CAMTA1: variants seen among roughly 807,000 people sequenced by gnomAD.
CAMTA1 encodes the protein calmodulin-binding transcription activator 1.
A neutral mutation model predicts 170.9 loss-of-function variants in CAMTA1; 27 were observed. That is an observed-to-expected ratio of 0.16 (90% CI 0.12 to 0.22). The LOEUF (loss-of-function observed/expected upper bound fraction) is 0.22, where lower values mean the gene tolerates loss of function less well. Ranked by LOEUF, CAMTA1 falls within the 10% of genes least tolerant of loss-of-function variation. The pLI, the probability that CAMTA1 is intolerant of heterozygous loss-of-function variation, is 1.00. For synonymous variants in CAMTA1, 833 were observed against 891.5 expected (o/e 0.93, Z 1.17); for missense variants, 1,619 against 2,217.2 (o/e 0.73, Z 5.42).
At chr1:6,942,592 A>C (rs567096589) in intron 3 of CAMTA1, among the ~76,000 whole-genome samples, 38 of 152,286 alleles carry the variant, frequency 2.5e-4, no homozygotes, top group Admixed American at 5.9e-4. Flanking sequence ...CCAGGAGATC[A>C]AGGTTGCAGT....
chr1:7,582,037 G>A (rs994981051), intron 6 of CAMTA1, among the ~76,000 whole-genome samples: 2 of 152,156 alleles, frequency 1.3e-5, no homozygotes, highest in African/African-American at 4.8e-5. Flanking sequence ...CTGGGGATAC[G>A]TTCCCCTGGA....
At chr1:7,568,172 T>A (rs1301267673) in intron 6 of CAMTA1, among the ~76,000 whole-genome samples, 1 of 148,630 alleles carries the variant, frequency 6.7e-6, no homozygotes, top group Admixed American at 6.6e-5. Context: ...TCACCATCAC[T>A]ACCACCATCC....
chr1:6,815,631 T>C (rs1400312065), intron 1 of CAMTA1, among the ~76,000 whole-genome samples: 1 of 152,254 alleles, frequency 6.6e-6, no homozygotes, highest in African/African-American at 2.4e-5. Flanking sequence ...AAAGTACTTT[T>C]TAAATCTTCT....
At chr1:7,313,344 C>G (rs1677024731) in intron 5 of CAMTA1, among the ~76,000 whole-genome samples, 1 of 152,178 alleles carries the variant, frequency 6.6e-6, no homozygotes, top group Admixed American at 6.5e-5. Flanking sequence ...TACTCTGCTG[C>G]CAGTCTATGA....
chr1:7,198,755 T>C (rs1656058441), intron 4 of CAMTA1, among the ~76,000 whole-genome samples: 1 of 151,940 alleles, frequency 6.6e-6, no homozygotes, highest in Non-Finnish European at 1.5e-5. Flanking sequence ...TTGCTTAAAG[T>C]CTCCTTCCTG....
chr1:6,792,193 A>C (rs1641307368), intron 1 of CAMTA1, among the ~76,000 whole-genome samples: 1 of 151,990 alleles, frequency 6.6e-6, no homozygotes, highest in Non-Finnish European at 1.5e-5. Context: ...CCTGGCCTCA[A>C]GTGATCCGCC....
At chr1:7,057,037 C>T (rs1707436311) in intron 3 of CAMTA1, among the ~76,000 whole-genome samples, 1 of 152,166 alleles carries the variant, frequency 6.6e-6, no homozygotes, top group South Asian at 2.1e-4. Context: ...AGGCACTTCC[C>T]ACCTGCATGG....
At chr1:7,122,222 C>G (rs1644686006) in intron 4 of CAMTA1, among the ~76,000 whole-genome samples, 1 of 151,984 alleles carries the variant, frequency 6.6e-6, no homozygotes, top group Non-Finnish European at 1.5e-5. Flanking sequence ...TTAACCTGTC[C>G]CCACTGTCCC....
At chr1:6,873,043 A>G (rs1234735166) in intron 3 of CAMTA1, among the ~76,000 whole-genome samples, 2 of 152,232 alleles carry the variant, frequency 1.3e-5, no homozygotes, top group African/African-American at 2.4e-5. Context: ...AGTTTTGTTC[A>G]GGCTCACGAG....
chr1:6,794,890 G>GT (rs61310345), intron 1 of CAMTA1, among the ~76,000 whole-genome samples: 8,482 of 147,128 alleles, frequency 0.058, 543 homozygotes, highest in African/African-American at 0.16. Context: ...CTTTTTTTTT[G>GT]TTTTTTTTGT....
At chr1:6,863,692 G>C (rs1665588384) in intron 3 of CAMTA1, among the ~76,000 whole-genome samples, 1 of 152,212 alleles carries the variant, frequency 6.6e-6, no homozygotes, top group Non-Finnish European at 1.5e-5. Flanking sequence ...ATATTAAGGA[G>C]AGTTCCTGTG....
In CAMTA1 at chr1:6,991,810, G is replaced by A. The variant is rs532431854; in HGVS notation, c.235-99494G>A. ...CCTTCCTGGGTTGAAGCGATTCTCC[G>A]GCCTCAGCCTTCTGAGTAGCTGGGA... is the stretch of plus-strand genomic sequence containing the variant. On this transcript the variant is annotated intron_variant, in intron 3 of 22. Coordinates refer to ENST00000303635, the MANE Select transcript of CAMTA1 (RefSeq NM_015215.4). Among the ~76,000 whole-genome samples, 13 of 151,966 alleles carry A rather than the reference G, an allele frequency of 8.6e-5. 2 individuals are homozygous for A. The highest frequency in any genetic ancestry group is 6.8e-3 in the Middle Eastern group (2 of 292).
intron 5 of CAMTA1, among the ~76,000 whole-genome samples, chr1:7,344,567 A>G (rs1454843583): frequency 6.6e-6 from 1 of 152,156 alleles, no homozygotes; most frequent in Non-Finnish European, 1.5e-5. Context: ...AGCCATGCAT[A>G]AGTGATTTCC....
intron 4 of CAMTA1, among the ~76,000 whole-genome samples, chr1:7,197,931 C>G (rs1655873276): frequency 6.6e-6 from 1 of 151,810 alleles, no homozygotes; most frequent in Non-Finnish European, 1.5e-5. Flanking sequence ...GGAGACAGCT[C>G]ATTGTCCCGA....
At chr1:7,695,209 A>T (rs1038683674) in intron 11 of CAMTA1, among the ~76,000 whole-genome samples, 1 of 152,098 alleles carries the variant, frequency 6.6e-6, no homozygotes, top group Non-Finnish European at 1.5e-5. Flanking sequence ...ATGCCCTGGA[A>T]GCCCCCAGCA....
intron 6 of CAMTA1, among the ~76,000 whole-genome samples, chr1:7,626,743 CT>C (rs1176406499): frequency 3.3e-5 from 5 of 152,192 alleles, no homozygotes; most frequent in Admixed American, 3.3e-4. Flanking sequence ...CAGAGTCTCT[CT>C]TGCTTCAGTT....
intron 3 of CAMTA1, among the ~76,000 whole-genome samples, chr1:6,847,068 A>T (rs1439660812): frequency 1.3e-5 from 2 of 149,736 alleles, no homozygotes; most frequent in African/African-American, 4.9e-5. Context: ...CAGTGGCGCC[A>T]TCTTGGCTCA....
intron 6 of CAMTA1, among the ~76,000 whole-genome samples, chr1:7,498,631 AGT>A (rs1359686729): frequency 2.6e-5 from 4 of 150,972 alleles, no homozygotes; most frequent in Non-Finnish European, 5.9e-5. Context: ...TGTGTGTATG[AGT>A]GTGCATGCAT....
At chr1:6,791,722 C>T (rs1000395687) in intron 1 of CAMTA1, among the ~76,000 whole-genome samples, 2 of 152,126 alleles carry the variant, frequency 1.3e-5, no homozygotes, top group Admixed American at 6.5e-5. Context: ...TAAGAGTGTA[C>T]GGTCATTCAC....
Sources: gnomAD v4.1 joint callset for allele counts (sites outside exome capture counted in the v4.1 genomes callset) on GRCh38, gnomAD v4.1.1 for gene constraint, MANE v1.5 for transcripts, NCBI Gene and HGNC (gene_info 2026-07-23, HGNC 2026-07-21) for gene names.